MRM1: variants seen among roughly 807,000 people sequenced by gnomAD.
MRM1 encodes rRNA methyltransferase 1, mitochondrial.
Under a neutral mutation model 25.0 loss-of-function variants are expected in MRM1, and 24 were observed. The observed-to-expected ratio is 0.96, with a 90% CI of 0.69 to 1.35. MRM1 has a LOEUF of 1.35. Ranked by LOEUF, MRM1 falls within the 40% of genes most tolerant of loss-of-function variation. MRM1 has a pLI of 0.00. For synonymous variants in MRM1, 188 were observed against 199.2 expected (o/e 0.94, Z 0.47); for missense variants, 431 against 464.1 (o/e 0.93, Z 0.65).
At chr17:36,620,124 G>A in the MRM1 span, among the ~76,000 whole-genome samples, 1 of 152,128 alleles carries the variant, frequency 6.6e-6, no homozygotes, top group Non-Finnish European at 1.5e-5. Context: ...AGATTTGCTA[G>A]TATTCTCTCC....
chr17:36,605,188 T>C (rs1463680004), intron 2 of MRM1, among the ~76,000 whole-genome samples: 2 of 151,154 alleles, frequency 1.3e-5, no homozygotes, highest in Non-Finnish European at 2.9e-5. Flanking sequence ...GGGGTCTTGC[T>C]GTGTTGCCCA....
chr17:36,613,199 C>T (rs1555612781), downstream of MRM1, among the ~76,000 whole-genome samples: 1 of 152,014 alleles, frequency 6.6e-6, no homozygotes, highest in Non-Finnish European at 1.5e-5. Context: ...TGTCAATCCC[C>T]CTCCCCCTAG....
chr17:36,630,374 G>A, the MRM1 span, among the ~76,000 whole-genome samples: 2 of 152,200 alleles, frequency 1.3e-5, no homozygotes, highest in African/African-American at 4.8e-5. Flanking sequence ...GTTTGGAAAT[G>A]CATGCCTTGG....
At chr17:36,613,588 G>A (rs929638151), downstream of MRM1, among the ~76,000 whole-genome samples, 2 of 151,944 alleles carry the variant, frequency 1.3e-5, no homozygotes, top group African/African-American at 2.4e-5. Context: ...CTCCTTCCCC[G>A]AGCTTCCTGG....
intron 2 of MRM1, among the ~76,000 whole-genome samples, chr17:36,606,939 A>G (rs1599581777): frequency 1.5e-4 from 17 of 113,102 alleles, no homozygotes; most frequent in East Asian, 5.3e-4. Context: ...TTTGAGATGG[A>G]GTTTCACTCT....
Position 36,603,207 on chromosome 17 carries a change from TCC to T in MRM1, c.636+563_636+564del, listed in dbSNP as rs948269987. On this transcript the variant is annotated intron_variant, in intron 2 of 4. Coordinates refer to ENST00000614766, the MANE Select transcript of MRM1 (RefSeq NM_024864.5). Reference sequence around the variant, plus strand: ...CACCCCAACTGCAGGGTGAGAAATTTCCCTCTTAAGAAGGGGGAGAGCTCTGG... The same window carrying T: ...CACCCCAACTGCAGGGTGAGAAATTTCTCTTAAGAAGGGGGAGAGCTCTGG... 9 of 984,342 alleles carry T rather than the reference TCC, an allele frequency of 9.1e-6. No homozygotes were observed. In the African/African-American group the frequency reaches 1.4e-4, roughly 15 times the overall value. The allele number at this position is 984,342 out of a possible 1,614,324, so 61.0% of individuals were successfully genotyped here.
At chr17:36,603,035 C>A in intron 2 of MRM1, 1 of 985,256 alleles carries the variant, frequency 1.0e-6, no homozygotes, top group Non-Finnish European at 1.2e-6. Flanking sequence ...ACAAGAAGAT[C>A]TTTATGCCAT....
intron 2 of MRM1, among the ~76,000 whole-genome samples, chr17:36,605,240 C>T (rs920845133): frequency 1.8e-4 from 27 of 152,074 alleles, no homozygotes; most frequent in East Asian, 5.8e-4. Flanking sequence ...GTATAGCCTC[C>T]GAATTCCTGG....
At chr17:36,634,263 C>T in the MRM1 span, 17 of 152,336 alleles carry the variant, frequency 1.1e-4, no homozygotes, top group African/African-American at 3.6e-4. Context: ...CTGGATTTTC[C>T]GGGCATTTTT....
the MRM1 span, among the ~76,000 whole-genome samples, chr17:36,629,585 C>T: frequency 0.016 from 2,447 of 152,312 alleles, 31 homozygotes; most frequent in Non-Finnish European, 0.025. Flanking sequence ...GGCCAAGGGG[C>T]GCCGGAGATG....
At chr17:36,618,724 A>G in the MRM1 span, among the ~76,000 whole-genome samples, 30 of 152,342 alleles carry the variant, frequency 2.0e-4, no homozygotes, top group East Asian at 5.8e-3. Flanking sequence ...AGCTTCCAGA[A>G]CATGGTTCCA....
downstream of MRM1, among the ~76,000 whole-genome samples, chr17:36,611,483 C>G (rs1256474095): frequency 6.6e-6 from 1 of 152,126 alleles, no homozygotes; most frequent in Non-Finnish European, 1.5e-5. Flanking sequence ...GACTAGCGCA[C>G]AATAATACAG....
the MRM1 span, among the ~76,000 whole-genome samples, chr17:36,622,442 C>T: frequency 2.6e-5 from 4 of 151,840 alleles, no homozygotes; most frequent in Non-Finnish European, 4.4e-5. Flanking sequence ...CATGGTGGTG[C>T]GCACCTGTAA....
the MRM1 span, among the ~76,000 whole-genome samples, chr17:36,616,019 GACA>G: frequency 6.7e-6 from 1 of 149,966 alleles, no homozygotes; most frequent in Non-Finnish European, 1.5e-5. Context: ...CAACAACAAC[GACA>G]ACAAAACTTT....
At chr17:36,607,846 A>G in intron 3 of MRM1, 44 bp downstream of exon 3, 2 of 1,611,318 alleles carry the variant, frequency 1.2e-6, no homozygotes, top group South Asian at 2.2e-5. Flanking sequence ...ACATTTCCCG[A>G]GCAACTGGGT....
chr17:36,609,460 C>G (rs1290237621), downstream of MRM1, among the ~76,000 whole-genome samples: 5 of 152,222 alleles, frequency 3.3e-5, no homozygotes, highest in African/African-American at 1.2e-4. Context: ...ACACCCTTGA[C>G]ATTTTGGGCC....
chr17:36,623,552 T>A, the MRM1 span, among the ~76,000 whole-genome samples: 7 of 152,162 alleles, frequency 4.6e-5, no homozygotes, highest in Non-Finnish European at 8.8e-5. Context: ...CTACCCTCTC[T>A]CCAAAGCACT....
At chr17:36,623,669 G>A in the MRM1 span, among the ~76,000 whole-genome samples, 28 of 152,284 alleles carry the variant, frequency 1.8e-4, no homozygotes, top group African/African-American at 6.7e-4. Context: ...GCCCAGGTAG[G>A]GATGATGTGA....
chr17:36,601,749 G>A lies in MRM1; in HGVS notation c.-62G>A, dbSNP rs2074868806. 6 of 1,485,538 alleles carry A rather than the reference G, an allele frequency of 4.0e-6. No individual in the cohort carries two copies. The highest frequency in any genetic ancestry group is 5.4e-6 in the Non-Finnish European group (6 of 1,120,284). The allele number at this position is 1,485,538 out of a possible 1,614,324, so 92.0% of individuals were successfully genotyped here. Reference sequence around the variant, plus strand: ...GTTGGGAGCCTGGGAGCGAACTGCGGCGCGGGTTACCGCTCCCGGGGACGC... The same window carrying A: ...GTTGGGAGCCTGGGAGCGAACTGCGACGCGGGTTACCGCTCCCGGGGACGC... On this transcript the variant is annotated 5_prime_UTR_variant, in exon 1 of 5. Coordinates refer to ENST00000614766, the MANE Select transcript of MRM1 (RefSeq NM_024864.5).
Sources: allele counts gnomAD v4.1 joint callset (sites outside exome capture counted in the v4.1 genomes callset), GRCh38; gene constraint gnomAD v4.1.1; transcripts MANE v1.5; gene names NCBI Gene and HGNC (gene_info 2026-07-23, HGNC 2026-07-21).